Variants in KDM4C observed in about 807,000 individuals in gnomAD.
KDM4C encodes lysine demethylase 4C.
KDM4C carries 81 observed loss-of-function variants against 129.3 expected under a neutral mutation model. That is an observed-to-expected ratio of 0.63 (90% CI 0.52 to 0.75). The LOEUF (loss-of-function observed/expected upper bound fraction) is 0.75, where lower values mean the gene tolerates loss of function less well. Ranked by LOEUF, KDM4C falls within the 30% of genes least tolerant of loss-of-function variation. The pLI, the probability that KDM4C is intolerant of heterozygous loss-of-function variation, is 0.00. For missense variants in KDM4C, 1,457 were observed against 1,304.0 expected (o/e 1.12, Z -1.81); for synonymous variants, 573 against 456.1 (o/e 1.26, Z -3.26).
intron 12 of KDM4C, among the ~76,000 whole-genome samples, chr9:7,009,595 T>A (rs943190262): frequency 2.0e-5 from 3 of 152,334 alleles, no homozygotes; most frequent in African/African-American, 7.2e-5. Flanking sequence ...CTGCCTTGAT[T>A]CATGCTGAGA....
chr9:7,059,362 C>T (rs531199131), intron 17 of KDM4C, among the ~76,000 whole-genome samples: 72 of 152,212 alleles, frequency 4.7e-4, no homozygotes, highest in Non-Finnish European at 8.1e-4. Flanking sequence ...CTCGACCTCC[C>T]GAGTAGCTGG....
rs113587162 is a variant in KDM4C at position 6,831,417 on chromosome 9, A to C, written c.435+16672A>C. On this transcript the variant is annotated intron_variant, in intron 4 of 21. Transcript: ENST00000381309. ...GAGCCTCACTCTGTCGGCCAGGCTCACTGCAACCTCCGTCTCCCTGGATCA... is the reference window on the plus strand; with the variant it reads ...GAGCCTCACTCTGTCGGCCAGGCTCCCTGCAACCTCCGTCTCCCTGGATCA... 6.7e-3 allele frequency among the ~76,000 whole-genome samples: 1,021 copies of C among 151,872 alleles called. 18 individuals are homozygous for C. The highest frequency in any genetic ancestry group is 0.023 in the African/African-American group (930 of 41,330).
At chr9:7,079,865 A>C (rs1365117226) in intron 17 of KDM4C, among the ~76,000 whole-genome samples, 1 of 152,146 alleles carries the variant, frequency 6.6e-6, no homozygotes, top group Non-Finnish European at 1.5e-5. Flanking sequence ...CTCTTTCCCA[A>C]GCTTGATCTG....
intron 20 of KDM4C, among the ~76,000 whole-genome samples, chr9:7,166,028 T>C (rs562622712): frequency 6.6e-6 from 1 of 152,274 alleles, no homozygotes; most frequent in South Asian, 2.1e-4. Flanking sequence ...GGAAACAACA[T>C]GGATAGCACG....
chr9:6,728,449 G>T (rs1450485172), intron 1 of KDM4C, among the ~76,000 whole-genome samples: 1 of 152,072 alleles, frequency 6.6e-6, no homozygotes, highest in Non-Finnish European at 1.5e-5. Context: ...CAGGAGAATT[G>T]CTTAAACTCA....
chr9:6,980,865 C>G, intron 8 of KDM4C, 60 bp from the exon 9 acceptor site: 3 of 1,443,756 alleles, frequency 2.1e-6, no homozygotes, highest in Non-Finnish European at 2.9e-6. Flanking sequence ...CAAGGACCAA[C>G]TCTGTGTTAC....
At chr9:7,135,242 G>A (rs1416360226) in intron 19 of KDM4C, among the ~76,000 whole-genome samples, 1 of 132,834 alleles carries the variant, frequency 7.5e-6, no homozygotes, top group East Asian at 2.0e-4. Context: ...CAGACTGACA[G>A]TTACGTTTTT....
Position 6,799,410 on chromosome 9 carries a change from C to T in KDM4C, c.145-6189C>T, listed in dbSNP as rs186011897. Among the ~76,000 whole-genome samples, 765 of 152,268 alleles carry T rather than the reference C, an allele frequency of 5.0e-3. 8 individuals carry two copies. The highest frequency in any genetic ancestry group is 0.017 in the African/African-American group (719 of 41,552). On this transcript the variant is annotated intron_variant, in intron 2 of 21. Transcript: ENST00000381309. ...AAACCCCGTCTCCACCAAAAAAATA[C>T]GAAAACCAGTCAGGAGTGGCGGCGC... is the stretch of plus-strand genomic sequence containing the variant.
chr9:6,761,457 C>G (rs550476451), intron 1 of KDM4C, among the ~76,000 whole-genome samples: 1 of 152,018 alleles, frequency 6.6e-6, no homozygotes, highest in East Asian at 1.9e-4. Context: ...CAGCCCCAGC[C>G]TCTCAAGTAG....
intron 12 of KDM4C, among the ~76,000 whole-genome samples, chr9:7,011,072 A>G (rs1440735630): frequency 2.6e-5 from 4 of 152,090 alleles, no homozygotes; most frequent in Admixed American, 2.0e-4. Context: ...AGAAAAAGAA[A>G]TATACATTTT....
At position 7,015,903 on chromosome 9, in the gene KDM4C, C is replaced by T. The variant is rs189536647; in HGVS notation, c.2233C>T (p.Arg745Trp). The change falls in exon 15 of 22, where the codon CGG becomes TGG. Residue 745 changes from arginine to tryptophan, a missense_variant. Physicochemically the swap from Arg to Trp is moderately radical, Grantham distance 101. Transcript: ENST00000381309. ...HEICDGWLCA[R>W]CKRNAWTAEC... ...GATCTGTGATGGATGGCTGTGTGCC[C>T]GGTGCAAAAGAAATGCGTGGACAGC... is the stretch of plus-strand genomic sequence containing the variant. 7 of 1,612,586 alleles carry T rather than the reference C, an allele frequency of 4.3e-6. No homozygotes were observed. Among genetic ancestry groups the T allele is most frequent in the Middle Eastern group, 1.7e-4 (1 of 6,060 alleles).
chr9:6,740,534 C>G (rs115702654), intron 1 of KDM4C, among the ~76,000 whole-genome samples: 1 of 146,874 alleles, frequency 6.8e-6, no homozygotes, highest in Non-Finnish European at 1.5e-5. Context: ...TTTATTTATC[C>G]TTGAGATGAA....
chr9:6,905,576 C>T (rs1379134953), intron 8 of KDM4C, among the ~76,000 whole-genome samples: 1 of 152,140 alleles, frequency 6.6e-6, no homozygotes, highest in Non-Finnish European at 1.5e-5. Context: ...GAATCCTAAG[C>T]CCTAAAATGA....
chr9:7,103,002 G>GT (rs960288402), intron 17 of KDM4C, among the ~76,000 whole-genome samples: 2 of 152,124 alleles, frequency 1.3e-5, no homozygotes, highest in African/African-American at 2.4e-5. Context: ...CATTATTGCT[G>GT]TTTTTATTTT....
chr9:6,873,136 A>G (rs1387605300), intron 5 of KDM4C, among the ~76,000 whole-genome samples: 1 of 152,148 alleles, frequency 6.6e-6, no homozygotes, highest in Non-Finnish European at 1.5e-5. Flanking sequence ...AGCTGAGATT[A>G]TAGGCATGCA....
intron 4 of KDM4C, among the ~76,000 whole-genome samples, chr9:6,844,958 G>A (rs990816776): frequency 1.3e-5 from 2 of 152,206 alleles, no homozygotes; most frequent in Non-Finnish European, 2.9e-5. Context: ...AAAGTGCTGG[G>A]ATTACAGGCG....
intron 19 of KDM4C, among the ~76,000 whole-genome samples, chr9:7,156,264 G>C (rs1286231575): frequency 6.6e-6 from 1 of 152,184 alleles, no homozygotes; most frequent in Non-Finnish European, 1.5e-5. Flanking sequence ...CCCTTTGTCA[G>C]GTGGGTAGAT....
At chr9:7,054,929 C>T (rs756233954) in intron 17 of KDM4C, among the ~76,000 whole-genome samples, 2 of 152,116 alleles carry the variant, frequency 1.3e-5, no homozygotes, top group African/African-American at 4.8e-5. Flanking sequence ...TTCAATGCAG[C>T]GGATGTCTGT....
In KDM4C at chr9:6,950,915, C is replaced by T. The variant is rs114511917; in HGVS notation, c.922-30010C>T. On this transcript the variant is annotated intron_variant, in intron 8 of 21. Transcript: ENST00000381309. ...GCCATGAACCTTTCCTTAAATGTTT[C>T]AGATAACAGAAAATACTTGAATTTT... 5.9e-3 allele frequency among the ~76,000 whole-genome samples: 898 copies of T among 152,200 alleles called. 9 individuals are homozygous for T. Among genetic ancestry groups the T allele is most frequent in the African/African-American group, 0.021 (852 of 41,526 alleles).
Sources: allele counts gnomAD v4.1 joint callset (sites outside exome capture counted in the v4.1 genomes callset), GRCh38; gene constraint gnomAD v4.1.1; transcripts MANE v1.5; gene names NCBI Gene and HGNC (gene_info 2026-07-23, HGNC 2026-07-21).